DPYD: variants seen among roughly 807,000 people sequenced by gnomAD.
DPYD encodes the protein dihydropyrimidine dehydrogenase [NADP(+)].
In DPYD, 109 loss-of-function variants were observed where a neutral mutation model predicts 116.2. The ratio of observed to expected loss-of-function variants is 0.94; its 90% CI spans 0.80 to 1.10. The LOEUF (loss-of-function observed/expected upper bound fraction) is 1.10, where lower values mean the gene tolerates loss of function less well. Ranked by LOEUF, DPYD falls within the 50% of genes least tolerant of loss-of-function variation. The pLI, the probability that DPYD is intolerant of heterozygous loss-of-function variation, is 0.00. For missense variants in DPYD, 1,302 were observed against 1,254.5 expected, an observed-to-expected ratio of 1.04 and a Z score of -0.57; for synonymous variants, 440 against 432.0, an observed-to-expected ratio of 1.02 and a Z score of -0.23.
intron 16 of DPYD, among the ~76,000 whole-genome samples, chr1:97,351,747 C>T (rs774975822): frequency 3.3e-5 from 5 of 151,844 alleles, no homozygotes; most frequent in South Asian, 2.1e-4. Context: ...CAAAATCAAA[C>T]GTGTTTCAGG....
At chr1:97,848,287 C>T (rs557512685) in intron 2 of DPYD, among the ~76,000 whole-genome samples, 3 of 152,192 alleles carry the variant, frequency 2.0e-5, no homozygotes, top group Admixed American at 1.3e-4. Flanking sequence ...TTAGTAGAGA[C>T]GGGGTTTCAC....
chr1:97,661,413 T>C (rs1399805366), intron 8 of DPYD, among the ~76,000 whole-genome samples: 16 of 152,176 alleles, frequency 1.1e-4, no homozygotes, highest in Admixed American at 9.8e-4. Context: ...TGATGTTATG[T>C]TTCCATAATG....
At chr1:97,224,493 C>A (rs1660984090) in intron 19 of DPYD, among the ~76,000 whole-genome samples, 1 of 151,840 alleles carries the variant, frequency 6.6e-6, no homozygotes, top group African/African-American at 2.4e-5. Flanking sequence ...TTTTACACAG[C>A]AACATTTTTT....
chr1:97,809,674 C>G (rs1357087958), intron 3 of DPYD, among the ~76,000 whole-genome samples: 1 of 152,030 alleles, frequency 6.6e-6, no homozygotes, highest in African/African-American at 2.4e-5. Flanking sequence ...GCTGAGGTAC[C>G]ATGTAGTATA....
At chr1:97,580,810 T>C (rs1653601025) in intron 10 of DPYD, among the ~76,000 whole-genome samples, 1 of 152,170 alleles carries the variant, frequency 6.6e-6, no homozygotes, top group South Asian at 2.1e-4. Flanking sequence ...CCTGTTAGAT[T>C]GATTTAGCCA....
At chr1:97,471,183 T>C (rs1443961205) in intron 13 of DPYD, among the ~76,000 whole-genome samples, 2 of 152,182 alleles carry the variant, frequency 1.3e-5, no homozygotes, top group Non-Finnish European at 2.9e-5. Context: ...TTATGTATAA[T>C]GAGATCAAAC....
At chr1:97,876,506 C>T (rs1292749795) in intron 2 of DPYD, among the ~76,000 whole-genome samples, 1 of 151,992 alleles carries the variant, frequency 6.6e-6, no homozygotes, top group Non-Finnish European at 1.5e-5. Flanking sequence ...TAATCTTTCC[C>T]ATCCCAAATA....
In DPYD at chr1:97,158,407, G is replaced by T. The variant is rs186398978; in HGVS notation, c.2622+34662C>A. On this transcript the variant is annotated intron_variant, in intron 20 of 22. Transcript: ENST00000370192. The stretch of plus-strand genomic sequence containing the variant: ...TTTTTATTTATGATAGATGATTTTT[G>T]AAGATTTCAACTTCTGGTAATGGCA... 1.1e-3 allele frequency among the ~76,000 whole-genome samples: 159 copies of T among 148,206 alleles called. 1 individual carries two copies. Among genetic ancestry groups the T allele is most frequent in the African/African-American group, 3.9e-3 (158 of 40,486 alleles).
chr1:97,912,899 T>C (rs1286202038), intron 1 of DPYD, among the ~76,000 whole-genome samples: 1 of 152,142 alleles, frequency 6.6e-6, no homozygotes. Context: ...CTCAGGTCAC[T>C]GTGGTACAAG....
intron 14 of DPYD, among the ~76,000 whole-genome samples, chr1:97,388,961 C>T (rs1045422665): frequency 3.3e-5 from 5 of 151,642 alleles, no homozygotes; most frequent in South Asian, 4.2e-4. Flanking sequence ...GGATAGAAGA[C>T]GAGTAGAGAG....
At chr1:97,695,495 G>A (rs561128964) in intron 6 of DPYD, among the ~76,000 whole-genome samples, 10 of 150,176 alleles carry the variant, frequency 6.7e-5, no homozygotes, top group Middle Eastern at 6.9e-3. Flanking sequence ...GTCTCCCCAC[G>A]ACTAAAATAT....
At chr1:97,260,517 A>T (rs1051458978) in intron 18 of DPYD, among the ~76,000 whole-genome samples, 2 of 152,120 alleles carry the variant, frequency 1.3e-5, no homozygotes, top group African/African-American at 4.8e-5. Context: ...GTGTTGCTTG[A>T]GAAGATATTA....
intron 11 of DPYD, among the ~76,000 whole-genome samples, chr1:97,555,181 T>G (rs1029444051): frequency 6.6e-6 from 1 of 152,118 alleles, no homozygotes; most frequent in African/African-American, 2.4e-5. Context: ...ATTTGCAGAA[T>G]GCTCCTCTAC....
intron 1 of DPYD, among the ~76,000 whole-genome samples, chr1:97,918,589 G>A (rs1674346412): frequency 6.6e-6 from 1 of 152,020 alleles, no homozygotes; most frequent in African/African-American, 2.4e-5. Flanking sequence ...ATGTGATATT[G>A]GATTCAGACT....
chr1:97,104,564 T>C (rs1180244848), intron 20 of DPYD, among the ~76,000 whole-genome samples: 1 of 151,648 alleles, frequency 6.6e-6, no homozygotes, highest in Non-Finnish European at 1.5e-5. Context: ...GGCTGAGGGG[T>C]CAGAGATTTT....
chr1:97,198,307 T>C (rs899552721), intron 19 of DPYD, among the ~76,000 whole-genome samples: 2 of 152,152 alleles, frequency 1.3e-5, no homozygotes, highest in Admixed American at 6.6e-5. Context: ...TCTAAACAAA[T>C]AGGTTTCTTC....
intron 8 of DPYD, among the ~76,000 whole-genome samples, chr1:97,637,589 A>G (rs1657644828): frequency 6.6e-6 from 1 of 152,104 alleles, no homozygotes; most frequent in Admixed American, 6.6e-5. Flanking sequence ...AGACCAGGAG[A>G]CATATATATT....
intron 1 of DPYD, among the ~76,000 whole-genome samples, chr1:97,889,837 A>G (rs1219913421): frequency 6.6e-6 from 1 of 152,054 alleles, no homozygotes. Context: ...TCTCTAGGAT[A>G]TATTGTATGC....
intron 18 of DPYD, among the ~76,000 whole-genome samples, chr1:97,294,708 GT>G (rs1666416994): frequency 6.6e-6 from 1 of 152,138 alleles, no homozygotes; most frequent in African/African-American, 2.4e-5. Flanking sequence ...AAGAAATAAA[GT>G]TTTTTATTAC....
Sources: gnomAD v4.1 joint callset for allele counts (sites outside exome capture counted in the v4.1 genomes callset) on GRCh38, gnomAD v4.1.1 for gene constraint, MANE v1.5 for transcripts, NCBI Gene and HGNC (gene_info 2026-07-23, HGNC 2026-07-21) for gene names.